Variants in GALNT2 observed in about 807,000 individuals in gnomAD.
The protein encoded by GALNT2 is polypeptide N-acetylgalactosaminyltransferase 2.
GALNT2 carries 31 observed loss-of-function variants against 81.4 expected under a neutral mutation model. That is an observed-to-expected ratio of 0.38 (90% CI 0.29 to 0.51). GALNT2 has a LOEUF of 0.51. GALNT2 is among the 20% of genes least tolerant of loss of function. The pLI, the probability that GALNT2 is intolerant of heterozygous loss-of-function variation, is 0.87. For synonymous variants in GALNT2, 303 were observed against 287.4 expected (o/e 1.05, Z -0.55); for missense variants, 629 against 765.7 (o/e 0.82, Z 2.11).
intron 3 of GALNT2, among the ~76,000 whole-genome samples, chr1:230,235,146 C>T (rs1408411799): frequency 7.3e-6 from 1 of 137,032 alleles, no homozygotes; most frequent in African/African-American, 2.8e-5. Flanking sequence ...CCCAGGAGTT[C>T]AAGGCTGCAG....
intron 1 of GALNT2, among the ~76,000 whole-genome samples, chr1:230,101,603 A>G (rs61038730): frequency 0.024 from 3,717 of 152,350 alleles, 162 homozygotes; most frequent in African/African-American, 0.085. Context: ...TGTTTTAACA[A>G]CTTTTCAGGT....
chr1:230,220,953 A>G (rs1223421532), intron 3 of GALNT2, among the ~76,000 whole-genome samples: 1 of 152,196 alleles, frequency 6.6e-6, no homozygotes, highest in African/African-American at 2.4e-5. Flanking sequence ...CTTTCTTTAA[A>G]TACACCGAAT....
chr1:230,121,415 T>G lies in GALNT2; in HGVS notation c.126+54009T>G, dbSNP rs80034450. ...GTTGGCTTTCCTGCCCTCCCCTGTTTGCCTTCTTGATTTTTCCCTTCTCTT... is the reference window on the plus strand; with the variant it reads ...GTTGGCTTTCCTGCCCTCCCCTGTTGGCCTTCTTGATTTTTCCCTTCTCTT... On this transcript the variant is annotated intron_variant, in intron 1 of 15. Transcript: ENST00000366672. Among the ~76,000 whole-genome samples the G allele has an allele frequency of 9.0e-3, 1,373 of 152,356 alleles. 13 individuals carry two copies. The highest frequency in any genetic ancestry group is 0.015 in the Non-Finnish European group (1,035 of 68,020).
At chr1:230,086,332 G>C (rs564187964) in intron 1 of GALNT2, among the ~76,000 whole-genome samples, 1 of 152,154 alleles carries the variant, frequency 6.6e-6, no homozygotes, top group Non-Finnish European at 1.5e-5. Context: ...TCAGCCTGAC[G>C]ACCCAGCAGA....
chr1:230,165,075 C>T (rs1349025103), intron 1 of GALNT2, among the ~76,000 whole-genome samples: 3 of 152,124 alleles, frequency 2.0e-5, no homozygotes, highest in Non-Finnish European at 4.4e-5. Context: ...CATATCTGGG[C>T]TAAATTTTTA....
intron 1 of GALNT2, among the ~76,000 whole-genome samples, chr1:230,166,064 G>A (rs1308656736): frequency 2.6e-5 from 4 of 152,054 alleles, no homozygotes; most frequent in Non-Finnish European, 1.5e-5. Flanking sequence ...CTTTAAAGTG[G>A]TCTAATAAGC....
chr1:230,239,742 C>T (rs939582722), intron 6 of GALNT2, among the ~76,000 whole-genome samples: 2 of 152,180 alleles, frequency 1.3e-5, no homozygotes, highest in African/African-American at 4.8e-5. Flanking sequence ...CTTTTTGTAA[C>T]TGTGTTCCTG....
chr1:230,201,109 T>C (rs376831936), intron 2 of GALNT2, among the ~76,000 whole-genome samples: 1 of 151,958 alleles, frequency 6.6e-6, no homozygotes, highest in East Asian at 1.9e-4. Flanking sequence ...GAGGAGAGAG[T>C]GGAGGATCAG....
At chr1:230,153,932 T>TA (rs1283290651) in intron 1 of GALNT2, among the ~76,000 whole-genome samples, 2 of 152,244 alleles carry the variant, frequency 1.3e-5, no homozygotes, top group Admixed American at 6.5e-5. Context: ...CAGTGCCTCT[T>TA]ACAAACTCTC....
chr1:230,236,210 G>GAGACCCT, intron 4 of GALNT2, 98 bp downstream of exon 4: 3 of 1,397,720 alleles, frequency 2.1e-6, no homozygotes, highest in Non-Finnish European at 3.0e-6. Flanking sequence ...CTGCAGACAG[G>GAGACCCT]GTCTCCTGAC....
chr1:230,216,926 A>G (rs2102718773), intron 3 of GALNT2, among the ~76,000 whole-genome samples: 1 of 152,262 alleles, frequency 6.6e-6, no homozygotes, highest in East Asian at 1.9e-4. Context: ...TAAAAAAGGA[A>G]ATATCCCAAT....
At chr1:230,143,727 G>A (rs1425110532) in intron 1 of GALNT2, among the ~76,000 whole-genome samples, 2 of 152,232 alleles carry the variant, frequency 1.3e-5, no homozygotes, top group Non-Finnish European at 2.9e-5. Context: ...ATAACTGAAA[G>A]GGTATTGTGC....
At chr1:230,256,116 A>C (rs905816626) in intron 11 of GALNT2, among the ~76,000 whole-genome samples, 5 of 152,136 alleles carry the variant, frequency 3.3e-5, no homozygotes, top group African/African-American at 1.2e-4. Flanking sequence ...CCCTCATGGC[A>C]TAGTCACTTC....
intron 15 of GALNT2, among the ~76,000 whole-genome samples, chr1:230,274,777 T>C (rs1666241764): frequency 6.6e-6 from 1 of 152,200 alleles, no homozygotes; most frequent in African/African-American, 2.4e-5. Flanking sequence ...CTCATTCTCT[T>C]CCCTATGCCG....
At chr1:230,187,986 C>T (rs990235648) in intron 2 of GALNT2, among the ~76,000 whole-genome samples, 3 of 152,118 alleles carry the variant, frequency 2.0e-5, no homozygotes, top group Non-Finnish European at 4.4e-5. Flanking sequence ...AGGCAACATT[C>T]GGGCAGGAAA....
chr1:230,162,478 A>G lies in GALNT2; in HGVS notation c.127-15740A>G, dbSNP rs562613820. Reference sequence around the variant, plus strand: ...AAGGCCTCAGAAGCAAAAGTTTTTCACTTTCTCCTGCCCTCCAGCTGCCAG... The same window carrying G: ...AAGGCCTCAGAAGCAAAAGTTTTTCGCTTTCTCCTGCCCTCCAGCTGCCAG... On this transcript the variant is annotated intron_variant, in intron 1 of 15. Transcript: ENST00000366672. Among the ~76,000 whole-genome samples the G allele has an allele frequency of 2.1e-4, 32 of 152,184 alleles. No homozygotes were observed. In the South Asian group the frequency reaches 6.2e-3, roughly 30 times the overall value.
chr1:230,111,609 A>G (rs1431163993), intron 1 of GALNT2, among the ~76,000 whole-genome samples: 1 of 152,230 alleles, frequency 6.6e-6, no homozygotes, highest in Non-Finnish European at 1.5e-5. Context: ...TCACTCTTTT[A>G]AATCCCAGAG....
At chr1:230,240,695 G>A (rs1410155081) in intron 6 of GALNT2, among the ~76,000 whole-genome samples, 2 of 151,344 alleles carry the variant, frequency 1.3e-5, no homozygotes, top group Non-Finnish European at 2.9e-5. Flanking sequence ...ATTATGATGT[G>A]CCTAGATTTA....
At chr1:230,191,654 G>C (rs1663529094) in intron 2 of GALNT2, among the ~76,000 whole-genome samples, 1 of 152,156 alleles carries the variant, frequency 6.6e-6, no homozygotes, top group Admixed American at 6.5e-5. Context: ...TAGGACTACG[G>C]GTATGTGCCA....
Sources: allele counts gnomAD v4.1 joint callset (sites outside exome capture counted in the v4.1 genomes callset), GRCh38; gene constraint gnomAD v4.1.1; transcripts MANE v1.5; gene names NCBI Gene and HGNC (gene_info 2026-07-23, HGNC 2026-07-21).